The following NME7 variants were observed in gnomAD, a reference collection of about 807,000 sequenced individuals.
NME7 encodes nucleoside diphosphate kinase 7.
Under a neutral mutation model 49.1 loss-of-function variants are expected in NME7, and 41 were observed. The observed-to-expected ratio is 0.83, with a 90% CI of 0.65 to 1.08. The LOEUF (loss-of-function observed/expected upper bound fraction) is 1.08, where lower values mean the gene tolerates loss of function less well. Ranked by LOEUF, NME7 falls within the 50% of genes least tolerant of loss-of-function variation. The pLI, the probability that NME7 is intolerant of heterozygous loss-of-function variation, is 0.00. For synonymous variants in NME7, 139 were observed against 150.6 expected (o/e 0.92, Z 0.56); for missense variants, 423 against 463.4 (o/e 0.91, Z 0.80).
chr1:169,192,105 A>G (rs1660247397), intron 10 of NME7, among the ~76,000 whole-genome samples: 1 of 152,238 alleles, frequency 6.6e-6, no homozygotes, highest in East Asian at 1.9e-4. Context: ...AGACTTCTCT[A>G]GTTAGTTCCT....
chr1:169,323,488 C>A (rs903691060), intron 2 of NME7, among the ~76,000 whole-genome samples: 3 of 152,138 alleles, frequency 2.0e-5, no homozygotes, highest in African/African-American at 7.2e-5. Flanking sequence ...ATAAAAGCTT[C>A]TTATTACAAA....
intron 6 of NME7, among the ~76,000 whole-genome samples, chr1:169,289,471 G>A (rs1650409290): frequency 6.6e-6 from 1 of 152,078 alleles, no homozygotes; most frequent in South Asian, 2.1e-4. Flanking sequence ...GACTCAGAAA[G>A]CTTAAGTAAC....
In NME7 at chr1:169,259,122, A is replaced by G. The variant is rs1188308853; in HGVS notation, c.755-21435T>C. Among the ~76,000 whole-genome samples, 2 of 134,072 alleles carry G rather than the reference A, an allele frequency of 1.5e-5. 1 individual carries two copies. Among genetic ancestry groups the G allele is most frequent in the African/African-American group, 5.0e-5 (2 of 39,660 alleles). 88.0% of individuals were successfully genotyped at this position (134,072 alleles called of 152,430 possible). A position where few individuals can be genotyped will look rare whatever the true frequency, so the allele number is the denominator to read the frequency against. The stretch of plus-strand genomic sequence containing the variant: ...TTTTACATTGTAAAATATAAAATAT[A>G]CTTTTATGGTAAAATATATAACAGA... On this transcript the variant is annotated intron_variant, in intron 7 of 11. Transcript: ENST00000367811.
At chr1:169,307,258 A>G (rs1029912998) in intron 4 of NME7, among the ~76,000 whole-genome samples, 2 of 152,230 alleles carry the variant, frequency 1.3e-5, no homozygotes, top group Non-Finnish European at 2.9e-5. Context: ...CAACTAAACT[A>G]AAAATGTGCG....
intron 10 of NME7, among the ~76,000 whole-genome samples, chr1:169,198,696 T>C (rs1340339065): frequency 6.6e-6 from 1 of 152,070 alleles, no homozygotes; most frequent in Non-Finnish European, 1.5e-5. Flanking sequence ...AGTGATTGCC[T>C]AGGGCTGAGG....
At position 169,270,908 on chromosome 1, in the gene NME7, T is replaced by G. The variant is rs1225642812; in HGVS notation, c.754+16395A>C. Among the ~76,000 whole-genome samples, 3 of 133,850 alleles carry G rather than the reference T, an allele frequency of 2.2e-5. 1 individual carries two copies. The highest frequency in any genetic ancestry group is 7.6e-5 in the African/African-American group (3 of 39,632). The allele number at this position is 133,850 out of a possible 152,430, so 87.8% of individuals were successfully genotyped here. On this transcript the variant is annotated intron_variant, in intron 7 of 11. Coordinates refer to ENST00000367811, the MANE Select transcript of NME7 (RefSeq NM_013330.5). ...AGCCTGATTTCAGAGTAAAAGTAATTTATTTTATGGATGGAATTAATAACT... is the reference window on the plus strand; with the variant it reads ...AGCCTGATTTCAGAGTAAAAGTAATGTATTTTATGGATGGAATTAATAACT...
At position 169,260,193 on chromosome 1, in the gene NME7, T is replaced by C. The variant is rs188080887; in HGVS notation, c.755-22506A>G. The stretch of plus-strand genomic sequence containing the variant: ...AGAGTAAGTAAGATGTGTGAATATA[T>C]AGAAAAGCAAAGAAGGGTACCATTT... On this transcript the variant is annotated intron_variant, in intron 7 of 11. Transcript: ENST00000367811. 1.5e-5 allele frequency among the ~76,000 whole-genome samples: 2 copies of C among 133,806 alleles called. 1 individual carries two copies. Among genetic ancestry groups the C allele is most frequent in the Admixed American group, 1.5e-4 (2 of 13,638 alleles). 87.8% of individuals were successfully genotyped at this position (133,806 alleles called of 152,430 possible).
At chr1:169,308,221 T>C (rs749253045) in intron 4 of NME7, among the ~76,000 whole-genome samples, 1 of 152,066 alleles carries the variant, frequency 6.6e-6, no homozygotes, top group Non-Finnish European at 1.5e-5. Context: ...AAACATGTCA[T>C]TGTCAGGGTA....
chr1:169,366,465 CTTTA>C (rs1653857957), intron 1 of NME7, among the ~76,000 whole-genome samples: 7 of 152,008 alleles, frequency 4.6e-5, no homozygotes, highest in Admixed American at 4.6e-4. Flanking sequence ...CATGGTTTTG[CTTTA>C]TTTAATTTTC....
At chr1:169,215,979 T>C (rs1387051110) in intron 10 of NME7, among the ~76,000 whole-genome samples, 1 of 152,172 alleles carries the variant, frequency 6.6e-6, no homozygotes, top group Non-Finnish European at 1.5e-5. Flanking sequence ...TGGTCAAGGG[T>C]ATAAACTTTC....
chr1:169,303,325 T>C (rs1651023296), intron 4 of NME7, 130 bp from the exon 5 acceptor site: 1 of 407,866 alleles, frequency 2.5e-6, no homozygotes, highest in Non-Finnish European at 4.3e-6. Context: ...TAATAATTTT[T>C]CACCAAATAT....
chr1:169,245,377 A>G (rs1648269738), intron 7 of NME7, among the ~76,000 whole-genome samples: 1 of 152,182 alleles, frequency 6.6e-6, no homozygotes, highest in Non-Finnish European at 1.5e-5. Flanking sequence ...TACAAAACTG[A>G]AATTTAAAGA....
chr1:169,223,566 G>C (rs1328591720), intron 10 of NME7, among the ~76,000 whole-genome samples: 1 of 152,028 alleles, frequency 6.6e-6, no homozygotes, highest in African/African-American at 2.4e-5. Context: ...CTTCAAGCTG[G>C]CTTCTGTGTC....
At chr1:169,332,418 T>TTCTTGAGCA (rs1320441280) in intron 1 of NME7, among the ~76,000 whole-genome samples, 2 of 152,094 alleles carry the variant, frequency 1.3e-5, no homozygotes. Context: ...GGGCAAAAAT[T>TTCTTGAGCA]TCTTGAGCAA....
At chr1:169,200,308 A>C (rs1054553235) in intron 10 of NME7, among the ~76,000 whole-genome samples, 7 of 152,132 alleles carry the variant, frequency 4.6e-5, no homozygotes, top group Non-Finnish European at 8.8e-5. Flanking sequence ...CCAAGAAGAT[A>C]TCTTCCCTCC....
chr1:169,195,809 C>T (rs755610308), intron 10 of NME7, among the ~76,000 whole-genome samples: 19 of 152,034 alleles, frequency 1.2e-4, no homozygotes, highest in Admixed American at 7.2e-4. Context: ...CAGTGAAAAA[C>T]CAAAAATCCT....
intron 7 of NME7, among the ~76,000 whole-genome samples, chr1:169,243,308 T>G (rs918950625): frequency 1.3e-5 from 2 of 152,038 alleles, no homozygotes; most frequent in African/African-American, 4.8e-5. Flanking sequence ...TTCAACAAAC[T>G]CAGTAAAGTT....
chr1:169,367,151 A>AG (rs773935605), intron 1 of NME7, among the ~76,000 whole-genome samples: 56 of 152,074 alleles, frequency 3.7e-4, no homozygotes, highest in Admixed American at 9.2e-4. Flanking sequence ...TTTAAAAAAA[A>AG]AAGAAGAAGA....
chr1:169,278,822 C>T (rs567913002), intron 7 of NME7, among the ~76,000 whole-genome samples: 100 of 152,220 alleles, frequency 6.6e-4, no homozygotes, highest in Non-Finnish European at 9.7e-4. Flanking sequence ...GTTTTATCTA[C>T]TTTTGATCTT....
Sources: allele counts gnomAD v4.1 joint callset (sites outside exome capture counted in the v4.1 genomes callset), GRCh38; gene constraint gnomAD v4.1.1; transcripts MANE v1.5; gene names NCBI Gene and HGNC (gene_info 2026-07-23, HGNC 2026-07-21).